KMT2C: variants seen among roughly 807,000 people sequenced by gnomAD.
KMT2C encodes the protein lysine methyltransferase 2C, also known as histone-lysine N-methyltransferase 2C.
In KMT2C, 88 loss-of-function variants were observed where a neutral mutation model predicts 507.9. That is an observed-to-expected ratio of 0.17 (90% CI 0.15 to 0.21). The LOEUF is 0.21. Among genes scored for constraint, KMT2C ranks in the 10% least tolerant of loss-of-function variants. The pLI is 1.00. For missense variants in KMT2C, 4,954 were observed against 5,957.8 expected (o/e 0.83, Z 5.55); for synonymous variants, 2,049 against 2,080.8 (o/e 0.98, Z 0.42).
rs755139541 is a variant in KMT2C, at chr7:152,154,429, C to T, written c.11977G>A (p.Gly3993Ser). 1.2e-6 allele frequency: 2 copies of T among 1,613,234 alleles called. No individual in the cohort carries two copies. Among genetic ancestry groups the T allele is most frequent in the Non-Finnish European group, 1.7e-6 (2 of 1,179,904 alleles). The change falls in exon 47 of 59, where the codon GGT (glycine) becomes AGT (serine). Residue 3993 changes from glycine to serine, a missense_variant. This residue lies in a region of KMT2C where 104 missense variants were observed against 134.3 expected (regional missense o/e 0.77). Transcript: ENST00000262189. ...QEELRIQDHC[G>S]DRDTPDSFVP... ...AAACTGTCAGGAGTATCTCGATCAC[C>T]ACAGTGATCCTGTATCCTGAAAAAA... is the stretch of plus-strand genomic sequence containing the variant.
intron 1 of KMT2C, among the ~76,000 whole-genome samples, chr7:152,397,793 T>C (rs547852734): frequency 1.3e-5 from 2 of 152,300 alleles, no homozygotes; most frequent in South Asian, 4.1e-4. Flanking sequence ...CACCTTTCAC[T>C]TGGTACTCAC....
At chr7:152,253,962 C>T (rs1042911801) in intron 9 of KMT2C, among the ~76,000 whole-genome samples, 2 of 151,986 alleles carry the variant, frequency 1.3e-5, no homozygotes, top group Non-Finnish European at 2.9e-5. Flanking sequence ...CATTACCCAC[C>T]CCAAATTTTG....
intron 8 of KMT2C, among the ~76,000 whole-genome samples, chr7:152,264,137 A>G (rs575993305): frequency 9.8e-5 from 15 of 152,328 alleles, no homozygotes; most frequent in African/African-American, 3.4e-4. Context: ...AAGGTATCGA[A>G]TAAATGTTTA....
rs545455755 is a variant in KMT2C, at chr7:152,312,769, T to G, written c.591-823A>C. 2.6e-3 allele frequency among the ~76,000 whole-genome samples: 391 copies of G among 152,322 alleles called. 1 individual carries two copies. The highest frequency in any genetic ancestry group is 4.3e-3 in the Non-Finnish European group (294 of 68,022). On this transcript the variant is annotated intron_variant, in intron 4 of 58. Transcript: ENST00000262189. ...AAATAAAAATGGCTATTGTACTTAATTATTAAATATGGGAAATCAGATGAC... is the reference window on the plus strand; with the variant it reads ...AAATAAAAATGGCTATTGTACTTAAGTATTAAATATGGGAAATCAGATGAC...
intron 41 of KMT2C, among the ~76,000 whole-genome samples, chr7:152,168,255 A>G (rs2092819643): frequency 6.6e-6 from 1 of 152,226 alleles, no homozygotes; most frequent in Non-Finnish European, 1.5e-5. Context: ...ATTCGCTGAA[A>G]ATAACATCAA....
At chr7:152,408,454 C>G (rs1215403391) in intron 1 of KMT2C, among the ~76,000 whole-genome samples, 1 of 152,246 alleles carries the variant, frequency 6.6e-6, no homozygotes, top group Non-Finnish European at 1.5e-5. Context: ...TTCCCCCCAC[C>G]TATAGCTGCA....
chr7:152,243,990 C>G (rs1242892635), intron 14 of KMT2C, among the ~76,000 whole-genome samples: 1 of 151,970 alleles, frequency 6.6e-6, no homozygotes, highest in Admixed American at 6.6e-5. Flanking sequence ...TACAAGAAGA[C>G]CTAAGATTAT....
At chr7:152,173,655 C>T (rs1298106669) in intron 39 of KMT2C, among the ~76,000 whole-genome samples, 1 of 152,214 alleles carries the variant, frequency 6.6e-6, no homozygotes, top group Non-Finnish European at 1.5e-5. Flanking sequence ...AAGACAAACT[C>T]TGTAACTCCA....
chr7:152,302,287 G>A (rs999559601), intron 6 of KMT2C, among the ~76,000 whole-genome samples: 2 of 152,086 alleles, frequency 1.3e-5, no homozygotes, highest in African/African-American at 2.4e-5. Context: ...GCAATAGAAC[G>A]ATCTTGGCTC....
At chr7:152,152,537 C>CA (rs1392779209) in intron 49 of KMT2C, among the ~76,000 whole-genome samples, 168 bp downstream of exon 49, 1 of 152,188 alleles carries the variant, frequency 6.6e-6, no homozygotes, top group Non-Finnish European at 1.5e-5. Context: ...CACTAGAGGT[C>CA]AAAATCACAG....
In KMT2C at chr7:152,434,328, T is replaced by C. The variant is rs562509746; in HGVS notation, c.161+1298A>G. ...GCTGGCAATAAAATATGGAGGCAAG[T>C]TGAAGGCCCTGAATCATTTTCATAG... On this transcript the variant is annotated intron_variant, in intron 1 of 58. Transcript: ENST00000262189. 2.8e-4 allele frequency among the ~76,000 whole-genome samples: 43 copies of C among 152,266 alleles called. 1 individual carries two copies. The South Asian group carries it at 8.1e-3, about 29-fold the overall frequency.
At chr7:152,225,650 T>C (rs1375472392) in intron 18 of KMT2C, among the ~76,000 whole-genome samples, 1 of 152,152 alleles carries the variant, frequency 6.6e-6, no homozygotes, top group Non-Finnish European at 1.5e-5. Context: ...ATAGGAAGAC[T>C]TGGGATCTAT....
Position 152,297,051 on chromosome 7 carries a change from A to AAGAAAGAAAGACAGAC in KMT2C, c.849+12914_849+12915insGTCTGTCTTTCTTTCT, listed in dbSNP as rs1356233143. Among the ~76,000 whole-genome samples, 143 of 60,202 alleles carry AAGAAAGAAAGACAGAC rather than the reference A, an allele frequency of 2.4e-3. 1 individual carries two copies. Among genetic ancestry groups the AAGAAAGAAAGACAGAC allele is most frequent in the South Asian group, 4.2e-3 (7 of 1,670 alleles). The allele number at this position is 60,202 out of a possible 152,430, so 39.5% of individuals were successfully genotyped here. A position where few individuals can be genotyped will look rare whatever the true frequency, so the allele number is the denominator to read the frequency against. ...AAAGAAAGAAAGAAAGAAAGAAAGA[A>AAGAAAGAAAGACAGAC]AGACAGAGAGAGAGAGAGAGAGAGA... On this transcript the variant is annotated intron_variant, in intron 6 of 58. Coordinates refer to ENST00000262189, the MANE Select transcript of KMT2C (RefSeq NM_170606.3).
intron 1 of KMT2C, among the ~76,000 whole-genome samples, chr7:152,382,163 T>C (rs2097379791): frequency 1.3e-5 from 2 of 152,236 alleles, no homozygotes; most frequent in South Asian, 2.1e-4. Flanking sequence ...AAATGACTTA[T>C]TCTGAGATAC....
At chr7:152,211,359 T>C (rs182106973) in intron 23 of KMT2C, among the ~76,000 whole-genome samples, 1 of 152,162 alleles carries the variant, frequency 6.6e-6, no homozygotes, top group Non-Finnish European at 1.5e-5. Context: ...AGCTATGGAA[T>C]ATACGTTCCA....
rs752801334 is a variant in KMT2C at position 152,252,506 on chromosome 7, C to T, written c.1469+40G>A. ...AGAGCAAATGACCACATGAATAAAA[C>T]AATCGACAAAACAACTGAATAGAAT... On this transcript the variant is annotated intron_variant, in intron 10 of 58. Transcript: ENST00000262189. 1.9e-6 allele frequency: 3 copies of T among 1,547,114 alleles called. No individual in the cohort carries two copies. The African/African-American group carries it at 4.1e-5, about 21-fold the overall frequency.
At chr7:152,312,832 A>G (rs906836571) in intron 4 of KMT2C, among the ~76,000 whole-genome samples, 2 of 152,188 alleles carry the variant, frequency 1.3e-5, no homozygotes, top group Admixed American at 1.3e-4. Flanking sequence ...ATATCATAGT[A>G]TTTAACCTGA....
chr7:152,189,386 T>G lies in KMT2C; in HGVS notation c.4661-1539A>C, dbSNP rs942848912. ...GTTGCAACACTTAGAGCCATACTAT[T>G]ACAGGAGATCCACATCACCAATTAA... On this transcript the variant is annotated intron_variant, in intron 31 of 58. Coordinates refer to ENST00000262189, the MANE Select transcript of KMT2C (RefSeq NM_170606.3). 2.0e-5 allele frequency among the ~76,000 whole-genome samples: 3 copies of G among 152,158 alleles called. No homozygotes were observed. The East Asian group carries it at 5.8e-4, about 29-fold the overall frequency.
chr7:152,255,157 ATGTGTGTG>A, intron 9 of KMT2C, among the ~76,000 whole-genome samples: 1 of 128,380 alleles, frequency 7.8e-6, no homozygotes, highest in South Asian at 2.5e-4. Flanking sequence ...ATATATATAT[ATGTGTGTG>A]TGTGTGTGTG....
Sources: allele counts gnomAD v4.1 joint callset (sites outside exome capture counted in the v4.1 genomes callset), GRCh38; gene constraint gnomAD v4.1.1; regional missense constraint gnomAD v4.1.1; transcripts MANE v1.5; gene names NCBI Gene and HGNC (gene_info 2026-07-23, HGNC 2026-07-21).